The following MEGF10 variants were observed in gnomAD, a reference collection of about 807,000 sequenced individuals.
MEGF10 encodes the protein multiple EGF like domains 10, also known as multiple epidermal growth factor-like domains protein 10.
MEGF10 carries 86 observed loss-of-function variants against 147.5 expected under a neutral mutation model. The ratio of observed to expected loss-of-function variants is 0.58; its 90% CI spans 0.49 to 0.70. MEGF10 has a LOEUF of 0.70. Ranked by LOEUF, MEGF10 falls within the 30% of genes least tolerant of loss-of-function variation. MEGF10 has a pLI of 0.00. For synonymous variants in MEGF10, 478 were observed against 525.5 expected (o/e 0.91, Z 1.24); for missense variants, 1,329 against 1,487.3 (o/e 0.89, Z 1.75).
At chr5:127,431,567 C>T (rs1266267993) in intron 13 of MEGF10, among the ~76,000 whole-genome samples, 1 of 152,178 alleles carries the variant, frequency 6.6e-6, no homozygotes, top group Non-Finnish European at 1.5e-5. Context: ...TACTCAGTTT[C>T]CACTTCTTCA....
chr5:127,377,729 G>C (rs763251544), intron 5 of MEGF10, among the ~76,000 whole-genome samples: 2 of 152,218 alleles, frequency 1.3e-5, no homozygotes, highest in East Asian at 3.8e-4. Context: ...TCCTAGCAAA[G>C]TCTGCTGTAA....
At chr5:127,369,848 G>A in intron 4 of MEGF10, 62 bp from the exon 5 acceptor site, 2 of 1,333,788 alleles carry the variant, frequency 1.5e-6, no homozygotes, top group Non-Finnish European at 1.1e-6. Flanking sequence ...TGCAACAGCT[G>A]TGTTGTTGGC....
At chr5:127,400,494 T>C (rs1764084309) in intron 7 of MEGF10, among the ~76,000 whole-genome samples, 1 of 152,256 alleles carries the variant, frequency 6.6e-6, no homozygotes, top group Admixed American at 6.5e-5. Flanking sequence ...AGCTGGGTTA[T>C]TTCTGACTCC....
chr5:127,451,376 C>T (rs755550605), intron 22 of MEGF10, among the ~76,000 whole-genome samples: 1 of 152,126 alleles, frequency 6.6e-6, no homozygotes, highest in African/African-American at 2.4e-5. Flanking sequence ...TTATCACGCT[C>T]GCTGTACAAA....
the MEGF10 span, among the ~76,000 whole-genome samples, chr5:127,252,308 T>A: frequency 1.3e-5 from 2 of 151,674 alleles, no homozygotes; most frequent in Non-Finnish European, 2.9e-5. Context: ...GGCCTAAAAG[T>A]CTATGTACAA....
chr5:127,267,740 T>A, the MEGF10 span, among the ~76,000 whole-genome samples: 1 of 152,192 alleles, frequency 6.6e-6, no homozygotes. Flanking sequence ...CTGATGGTAG[T>A]TTGTATTTCT....
chr5:127,330,271 A>G (rs1429695195), intron 1 of MEGF10, among the ~76,000 whole-genome samples: 1 of 152,092 alleles, frequency 6.6e-6, no homozygotes, highest in Non-Finnish European at 1.5e-5. Context: ...CTCCCCTTGC[A>G]GCTAGAGTCA....
chr5:127,381,381 A>G (rs1446643880), intron 5 of MEGF10, among the ~76,000 whole-genome samples: 1 of 152,250 alleles, frequency 6.6e-6, no homozygotes, highest in Admixed American at 6.5e-5. Flanking sequence ...ATATTAGATC[A>G]TAAATCTTTA....
the MEGF10 span, among the ~76,000 whole-genome samples, chr5:127,280,386 T>C: frequency 1.3e-5 from 2 of 152,120 alleles, no homozygotes; most frequent in Non-Finnish European, 2.9e-5. Flanking sequence ...GGTGGTTCAG[T>C]TTTATTAATA....
intron 2 of MEGF10, among the ~76,000 whole-genome samples, chr5:127,336,839 G>A (rs1161889492): frequency 1.3e-5 from 2 of 152,028 alleles, no homozygotes; most frequent in Non-Finnish European, 2.9e-5. Flanking sequence ...AGCATATGTG[G>A]TAAGTTGCTC....
At chr5:127,424,634 C>T (rs763411437) in intron 13 of MEGF10, 127 of 1,169,602 alleles carry the variant, frequency 1.1e-4, no homozygotes, top group Non-Finnish European at 1.4e-4. Flanking sequence ...CTGAGAGCTA[C>T]CTTGGGAAAC....
At chr5:127,445,420 A>T (rs191471006) in intron 19 of MEGF10, 37 bp from the exon 20 acceptor site, 13 of 1,518,682 alleles carry the variant, frequency 8.6e-6, no homozygotes, top group East Asian at 2.3e-5. Context: ...TATCCAGCAC[A>T]TTGTCATCCT....
chr5:127,238,363 A>G, the MEGF10 span, among the ~76,000 whole-genome samples: 2 of 152,034 alleles, frequency 1.3e-5, no homozygotes, highest in African/African-American at 4.8e-5. Flanking sequence ...GCCTCAGACA[A>G]TATTTTTTAT....
At chr5:127,291,694 A>T (rs1298959639) in intron 1 of MEGF10, among the ~76,000 whole-genome samples, 1 of 152,196 alleles carries the variant, frequency 6.6e-6, no homozygotes, top group African/African-American at 2.4e-5. Flanking sequence ...CTTAAGAAAG[A>T]TAAATCCGGT....
intron 4 of MEGF10, among the ~76,000 whole-genome samples, chr5:127,354,150 T>G (rs971002888): frequency 2.0e-5 from 3 of 152,176 alleles, no homozygotes; most frequent in Admixed American, 6.5e-5. Context: ...CTGTGGTTGG[T>G]GTCTATATGA....
intron 5 of MEGF10, among the ~76,000 whole-genome samples, chr5:127,374,476 A>G (rs888869822): frequency 5.3e-5 from 8 of 152,028 alleles, no homozygotes; most frequent in Non-Finnish European, 1.0e-4. Flanking sequence ...TCCAATTCCT[A>G]TATGCACCCT....
chr5:127,438,628 T>G (rs747320770), intron 17 of MEGF10, 61 bp downstream of exon 17: 15 of 1,582,768 alleles, frequency 9.5e-6, no homozygotes, highest in Non-Finnish European at 1.3e-5. Context: ...GAAACAGCCT[T>G]ACCCTCCGCA....
At chr5:127,439,132 G>T (rs1228774335) in intron 17 of MEGF10, among the ~76,000 whole-genome samples, 1 of 152,186 alleles carries the variant, frequency 6.6e-6, no homozygotes, top group African/African-American at 2.4e-5. Context: ...ACCATGCTTT[G>T]AGAGCCACTG....
At chr5:127,334,560 T>G (rs948589352) in intron 2 of MEGF10, among the ~76,000 whole-genome samples, 1 of 152,212 alleles carries the variant, frequency 6.6e-6, no homozygotes, top group Non-Finnish European at 1.5e-5. Context: ...ATTGTGATTC[T>G]AAGAAATTGT....
Sources: gnomAD v4.1 joint callset for allele counts (sites outside exome capture counted in the v4.1 genomes callset) on GRCh38, gnomAD v4.1.1 for gene constraint, MANE v1.5 for transcripts, NCBI Gene and HGNC (gene_info 2026-07-23, HGNC 2026-07-21) for gene names.